TBC1D10A: variants seen among roughly 807,000 people sequenced by gnomAD.
TBC1D10A encodes the protein EBP50-PDX interactor of 64 kDa.
TBC1D10A carries 24 observed loss-of-function variants against 52.9 expected under a neutral mutation model. The observed-to-expected ratio is 0.45, with a 90% CI of 0.33 to 0.64. The LOEUF is 0.64. Ranked by LOEUF, TBC1D10A falls within the 30% of genes least tolerant of loss-of-function variation. The pLI, the probability that TBC1D10A is intolerant of heterozygous loss-of-function variation, is 0.02. For synonymous variants in TBC1D10A, 278 were observed against 282.9 expected (o/e 0.98, Z 0.17); for missense variants, 602 against 687.9 (o/e 0.88, Z 1.40).
chr22:30,313,340 AATGTGT>A (rs1930463368), intron 1 of TBC1D10A, among the ~76,000 whole-genome samples: 1 of 90,814 alleles, frequency 1.1e-5, no homozygotes, highest in African/African-American at 4.0e-5. Context: ...GTGCTCAATA[AATGTGT>A]GTGTGTGTGT....
chr22:30,305,016 C>A (rs1332866013), intron 1 of TBC1D10A, among the ~76,000 whole-genome samples: 1 of 152,206 alleles, frequency 6.6e-6, no homozygotes, highest in African/African-American at 2.4e-5. Context: ...CAGAGTTGAA[C>A]ACAAAAACTA....
intron 8 of TBC1D10A, chr22:30,293,439 C>G (rs1158531180): frequency 1.3e-6 from 1 of 783,942 alleles, no homozygotes; most frequent in African/African-American, 1.7e-5. Flanking sequence ...CCAAGCGGCT[C>G]GGATCCAGAA....
At position 30,293,689 on chromosome 22, in the gene TBC1D10A, T is replaced by C. The variant is rs1342440584; in HGVS notation, c.1012A>G (p.Ser338Gly). The C allele has an allele frequency of 6.2e-7, 1 of 1,612,456 alleles. No homozygotes were observed. Among genetic ancestry groups the C allele is most frequent in the Non-Finnish European group, 8.5e-7 (1 of 1,178,866 alleles). ...AAGGCCTCCTGCATGATCTTGGGGCTGAGGCTCCGCAGTCGCTCGATGGTC... is the reference window on the plus strand; with the variant it reads ...AAGGCCTCCTGCATGATCTTGGGGCCGAGGCTCCGCAGTCGCTCGATGGTC... ...YETIERLRSL[S>G]PKIMQEAFLV... is the part of the protein sequence containing the mutation. The change falls in exon 8 of 9, where the codon AGC (serine) becomes GGC (glycine). Residue 338 changes from serine to glycine, a missense_variant. Transcript: ENST00000215790.
chr22:30,300,652 T>C (rs1169804518), intron 2 of TBC1D10A: 1 of 152,114 alleles, frequency 6.6e-6, no homozygotes, highest in East Asian at 1.9e-4. Context: ...TGTGGCAGGA[T>C]ACCGCCAGCC....
intron 1 of TBC1D10A, among the ~76,000 whole-genome samples, chr22:30,312,004 G>C (rs1362552259): frequency 6.6e-6 from 1 of 152,162 alleles, no homozygotes; most frequent in Non-Finnish European, 1.5e-5. Flanking sequence ...TGTTGCCCAG[G>C]CTAGTCTCAA....
chr22:30,317,663 G>C (rs1234260544), intron 1 of TBC1D10A, among the ~76,000 whole-genome samples: 1 of 152,126 alleles, frequency 6.6e-6, no homozygotes, highest in African/African-American at 2.4e-5. Flanking sequence ...CACCCAGGCT[G>C]GAGTGCAGTG....
At position 30,317,078 on chromosome 22, in the gene TBC1D10A, G is replaced by A. The variant is rs774864853; in HGVS notation, c.209+9595C>T. Among the ~76,000 whole-genome samples, 11 of 152,062 alleles carry A rather than the reference G, an allele frequency of 7.2e-5. 1 individual carries two copies. Among genetic ancestry groups the A allele is most frequent in the South Asian group, 4.1e-4 (2 of 4,826 alleles). On this transcript the variant is annotated intron_variant, in intron 1 of 8. Transcript: ENST00000215790. Reference sequence around the variant, plus strand: ...ACATACACACACACATACAAACTGCGTAGTTTTTATGTGGGGAAAACCGAG... The same window carrying A: ...ACATACACACACACATACAAACTGCATAGTTTTTATGTGGGGAAAACCGAG...
At chr22:30,317,749 C>T (rs113276046) in intron 1 of TBC1D10A, among the ~76,000 whole-genome samples, 9 of 152,312 alleles carry the variant, frequency 5.9e-5, no homozygotes, top group South Asian at 2.1e-4. Context: ...ACTACCGGCA[C>T]GTGCCACCAT....
intron 1 of TBC1D10A, among the ~76,000 whole-genome samples, chr22:30,308,449 A>G (rs1293212895): frequency 6.6e-6 from 1 of 151,190 alleles, no homozygotes; most frequent in Non-Finnish European, 1.5e-5. Context: ...CAAACACAAC[A>G]CACATACACA....
chr22:30,325,954 G>T (rs1034689501), intron 1 of TBC1D10A, among the ~76,000 whole-genome samples: 4 of 152,130 alleles, frequency 2.6e-5, no homozygotes, highest in Non-Finnish European at 4.4e-5. Context: ...GTGCTGGGAA[G>T]GGGGAGTACC....
chr22:30,294,959 G>A lies in TBC1D10A; in HGVS notation c.621C>T (p.Leu207=), dbSNP rs772193404. The A allele has an allele frequency of 1.9e-6, 3 of 1,614,052 alleles. No homozygotes were observed. The highest frequency in any genetic ancestry group is 4.5e-5 in the East Asian group (2 of 44,874). Reference sequence around the variant, plus strand: ...GTGGTACCTCAGCAGGCATATGCATGAGCAAGACAGCGGCAATGGGCGCCT... The same window carrying A: ...GTGGTACCTCAGCAGGCATATGCATAAGCAAGACAGCGGCAATGGGCGCCT... ...QAQAPIAAVL[L]MHMPAEQAFW... is the part of the protein sequence containing the mutation. The change falls in exon 5 of 9, where the codon CTC becomes CTT. Residue 207 remains leucine (L), a synonymous_variant. Coordinates refer to ENST00000215790, the MANE Select transcript of TBC1D10A (RefSeq NM_031937.3).
At chr22:30,295,632 T>G in intron 4 of TBC1D10A, 105 bp downstream of exon 4, 1 of 1,081,494 alleles carries the variant, frequency 9.2e-7, no homozygotes. Flanking sequence ...AGAGTGGAGT[T>G]GGGGGCACCG....
In TBC1D10A at chr22:30,295,818, G is replaced by C. The variant is rs1165930893; in HGVS notation, c.443C>G (p.Pro148Arg). The C allele has an allele frequency of 6.8e-6, 11 of 1,613,698 alleles. No individual in the cohort carries two copies. In the South Asian group the frequency reaches 1.2e-4, roughly 18 times the overall value. The change falls in exon 4 of 9, where the codon CCC becomes CGC. Residue 148 changes from proline (P) to arginine (R), a missense_variant. Coordinates refer to ENST00000215790, the MANE Select transcript of TBC1D10A (RefSeq NM_031937.3). Reference sequence around the variant, plus strand: ...ACGCTCAATCACGTCCAGCCACTTGGGGTCCCCAGGGGACATGTCCAGCTC... The same window carrying C: ...ACGCTCAATCACGTCCAGCCACTTGCGGTCCCCAGGGGACATGTCCAGCTC... ...FDELDMSPGD[P>R]KWLDVIERDL... is the part of the protein sequence containing the mutation.
At chr22:30,314,946 G>T (rs1395866917) in intron 1 of TBC1D10A, among the ~76,000 whole-genome samples, 1 of 152,128 alleles carries the variant, frequency 6.6e-6, no homozygotes, top group African/African-American at 2.4e-5. Context: ...CAGAGGCCCC[G>T]GGCAGCACTC....
intron 2 of TBC1D10A, among the ~76,000 whole-genome samples, chr22:30,303,435 C>T (rs1272662710): frequency 1.3e-5 from 2 of 152,234 alleles, no homozygotes; most frequent in African/African-American, 4.8e-5. Context: ...ATCTACGATA[C>T]AGTCTACGAA....
intron 1 of TBC1D10A, among the ~76,000 whole-genome samples, chr22:30,316,148 T>C (rs1024354531): frequency 1.3e-5 from 2 of 152,216 alleles, no homozygotes; most frequent in African/African-American, 4.8e-5. Context: ...ATCCCTTGAT[T>C]TGATTACATT....
rs879705500 is a variant in TBC1D10A at position 30,322,651 on chromosome 22, G to C, written c.209+4022C>G. 5.7e-5 allele frequency among the ~76,000 whole-genome samples: 7 copies of C among 123,334 alleles called. 1 individual carries two copies. The highest frequency in any genetic ancestry group is 9.5e-5 in the Non-Finnish European group (6 of 63,244). 80.9% of individuals were successfully genotyped at this position (123,334 alleles called of 152,430 possible). A position where few individuals can be genotyped will look rare whatever the true frequency, so the allele number is the denominator to read the frequency against. On this transcript the variant is annotated intron_variant, in intron 1 of 8. Transcript: ENST00000215790. ...GCAAGGTCTCCCAGGCTGGAGTGTA[G>C]TGGCGTGATTTCAGCTCACGGTAAC...
chr22:30,293,358 A>G (rs369602293), intron 8 of TBC1D10A: 2 of 665,942 alleles, frequency 3.0e-6, no homozygotes, highest in South Asian at 1.5e-5. Flanking sequence ...ACAAAGAGAA[A>G]TAAGAGCCAA....
At chr22:30,301,762 C>T (rs1930205923) in intron 2 of TBC1D10A, among the ~76,000 whole-genome samples, 1 of 152,130 alleles carries the variant, frequency 6.6e-6, no homozygotes, top group Admixed American at 6.5e-5. Flanking sequence ...AGGAGCCAGG[C>T]AAACAGGCTG....
Sources: gnomAD v4.1 joint callset for allele counts (sites outside exome capture counted in the v4.1 genomes callset) on GRCh38, gnomAD v4.1.1 for gene constraint, MANE v1.5 for transcripts, NCBI Gene and HGNC (gene_info 2026-07-23, HGNC 2026-07-21) for gene names.